Variants in POLR3C observed in about 807,000 individuals in gnomAD.
POLR3C encodes RNA polymerase III subunit C.
Under a neutral mutation model 65.9 loss-of-function variants are expected in POLR3C, and 44 were observed. The ratio of observed to expected loss-of-function variants is 0.67; its 90% CI spans 0.52 to 0.86. The LOEUF is 0.86. Ranked by LOEUF, POLR3C falls within the 40% of genes least tolerant of loss-of-function variation. The pLI, the probability that POLR3C is intolerant of heterozygous loss-of-function variation, is 0.00. For synonymous variants in POLR3C, 263 were observed against 231.6 expected (o/e 1.14, Z -1.23); for missense variants, 576 against 653.2 (o/e 0.88, Z 1.29).
At chr1:145,828,614 C>T in intron 4 of POLR3C, 135 bp from the exon 5 acceptor site, 2 of 642,390 alleles carry the variant, frequency 3.1e-6, no homozygotes, top group Non-Finnish European at 5.6e-6. Context: ...TCTTATAGCT[C>T]TTCAGCCCCC....
intron 9 of POLR3C, among the ~76,000 whole-genome samples, 160 bp from the exon 10 acceptor site, chr1:145,837,376 T>C (rs1205385747): frequency 2.6e-5 from 4 of 152,204 alleles, no homozygotes; most frequent in Admixed American, 2.6e-4. Flanking sequence ...TGTATTAAAG[T>C]TTTGGAATAT....
At chr1:145,833,941 A>G (rs1553727872) in intron 7 of POLR3C, among the ~76,000 whole-genome samples, 1 of 152,214 alleles carries the variant, frequency 6.6e-6, no homozygotes, top group African/African-American at 2.4e-5. Flanking sequence ...TATTTATATT[A>G]CTTTCATAGT....
In POLR3C at chr1:145,826,520, G is replaced by A; in HGVS notation, c.214G>A (p.Val72Met). 6.2e-7 allele frequency: 1 copy of A among 1,613,820 alleles called. No homozygotes were observed. Among genetic ancestry groups the A allele is most frequent in the Non-Finnish European group, 8.5e-7 (1 of 1,179,924 alleles). ...GAGTTATCAAGTGCACAAACGTGGT[G>A]TGGTGGAGTATGAAGCCCAGTGCAG... ...LVSYQVHKRG[V>M]VEYEAQCSRV... Residue 72 changes from valine (V) to methionine (M), a missense_variant, in exon 3 of 15, where the codon GTG becomes ATG. By Grantham distance (21) the Val-to-Met change is conservative (BLOSUM62 1). Coordinates refer to ENST00000334163, the MANE Select transcript of POLR3C (RefSeq NM_006468.8).
intron 4 of POLR3C, 117 bp downstream of exon 4, chr1:145,827,122 G>C: frequency 2.4e-6 from 2 of 842,830 alleles, no homozygotes; most frequent in South Asian, 3.3e-5. Context: ...CAGACATCGT[G>C]GTGTATAACA....
intron 11 of POLR3C, among the ~76,000 whole-genome samples, chr1:145,838,510 C>T (rs1234640789): frequency 6.6e-6 from 1 of 151,688 alleles, no homozygotes; most frequent in East Asian, 2.0e-4. Context: ...GGTGAAACTC[C>T]GTCTCTAATA....
chr1:145,838,053 C>T lies in POLR3C; in HGVS notation c.1071-3C>T. On this transcript the variant is annotated splice_polypyrimidine_tract_variant and splice_region_variant and intron_variant, in intron 10 of 14. Coordinates refer to ENST00000334163, the MANE Select transcript of POLR3C (RefSeq NM_006468.8). ...GCCATTTGCTTTCTTCATTCCTTTC[C>T]AGATTTGGGTCTCGCTGTGCTAGAA... 1 of 1,613,646 alleles carries T rather than the reference C, an allele frequency of 6.2e-7. No homozygotes were observed. Among genetic ancestry groups the T allele is most frequent in the South Asian group, 1.1e-5 (1 of 91,056 alleles).
At chr1:145,838,320 C>A in intron 11 of POLR3C, 114 bp downstream of exon 11, 1 of 810,174 alleles carries the variant, frequency 1.2e-6, no homozygotes, top group Non-Finnish European at 2.0e-6. Context: ...AGCTCTGAGA[C>A]AGAAAAACAT....
In POLR3C at chr1:145,840,297, C is replaced by G. The variant is rs778222336; in HGVS notation, c.1373+132C>G. The stretch of plus-strand genomic sequence containing the variant: ...GCTCATGCCTGTAATCCCAGCACTT[C>G]GGGAGGCTGAGGCAGGTGGATCACT... On this transcript the variant is annotated intron_variant, in intron 13 of 14. Transcript: ENST00000334163. 9.1e-6 allele frequency: 6 copies of G among 662,380 alleles called. 1 individual carries two copies. In the East Asian group the frequency reaches 1.7e-4, roughly 18 times the overall value. The allele number at this position is 662,380 out of a possible 1,614,324, so 41.0% of individuals were successfully genotyped here.
At position 145,830,450 on chromosome 1, in the gene POLR3C, G is replaced by A. The variant is rs890921450; in HGVS notation, c.678+1613G>A. Among the ~76,000 whole-genome samples the A allele has an allele frequency of 5.3e-5, 8 of 152,106 alleles. No homozygotes were observed. The East Asian group carries it at 1.3e-3, about 26-fold the overall frequency. On this transcript the variant is annotated intron_variant, in intron 5 of 14. Coordinates refer to ENST00000334163, the MANE Select transcript of POLR3C (RefSeq NM_006468.8). Reference sequence around the variant, plus strand: ...AATAGATAGAACTTGGTAATGGGGTGGTAGATTATGGAGAGCAAGGGACTA... The same window carrying A: ...AATAGATAGAACTTGGTAATGGGGTAGTAGATTATGGAGAGCAAGGGACTA...
At chr1:145,835,536 G>A (rs1322418520) in intron 7 of POLR3C, among the ~76,000 whole-genome samples, 1 of 151,882 alleles carries the variant, frequency 6.6e-6, no homozygotes, top group Admixed American at 6.6e-5. Context: ...ACCCCAAAAT[G>A]GGACTATTCA....
At position 145,836,841 on chromosome 1, in the gene POLR3C, C is replaced by T. The variant is rs1188854334; in HGVS notation, c.984C>T (p.Asp328=). 6.3e-7 allele frequency: 1 copy of T among 1,595,422 alleles called. No homozygotes were observed. Among genetic ancestry groups the T allele is most frequent in the African/African-American group, 1.3e-5 (1 of 74,434 alleles). ...TAGAGTTTGTTGGAAAGTCTGGCGACAGTGGTGGAGGAATGTATGTCATCA... is the reference window on the plus strand; with the variant it reads ...TAGAGTTTGTTGGAAAGTCTGGCGATAGTGGTGGAGGAATGTATGTCATCA... ...DPLEFVGKSG[D]SGGGMYVINL... Residue 328 remains aspartate (D), a synonymous_variant, in exon 9 of 15, where the codon GAC becomes GAT. Coordinates refer to ENST00000334163, the MANE Select transcript of POLR3C (RefSeq NM_006468.8).
At chr1:145,825,477 C>T (rs1212093456) in intron 1 of POLR3C, among the ~76,000 whole-genome samples, 1 of 152,100 alleles carries the variant, frequency 6.6e-6, no homozygotes, top group Non-Finnish European at 1.5e-5. Flanking sequence ...TGTAGTATGC[C>T]ATTGTATGGG....
Position 145,842,643 on chromosome 1 carries a change from A to G in POLR3C, c.*223A>G, listed in dbSNP as rs1553730897. On this transcript the variant is annotated 3_prime_UTR_variant, in exon 15 of 15. Coordinates refer to ENST00000334163, the MANE Select transcript of POLR3C (RefSeq NM_006468.8). ...TTGGCAGTGGGAAGAACCTTAAATC[A>G]ACAAGGTTAATCATCTATCAGATGC... 1 of 587,228 alleles carries G rather than the reference A, an allele frequency of 1.7e-6. No individual in the cohort carries two copies. The highest frequency in any genetic ancestry group is 1.9e-5 in the African/African-American group (1 of 53,112). 36.4% of individuals were successfully genotyped at this position (587,228 alleles called of 1,614,324 possible).
In POLR3C at chr1:145,843,506, G is replaced by T. The variant is rs1553731260; in HGVS notation, c.*1086G>T. Among the ~76,000 whole-genome samples, 1 of 152,196 alleles carries T rather than the reference G, an allele frequency of 6.6e-6. No individual in the cohort carries two copies. Among genetic ancestry groups the T allele is most frequent in the Admixed American group, 6.5e-5 (1 of 15,270 alleles). On this transcript the variant is annotated 3_prime_UTR_variant, in exon 15 of 15. Coordinates refer to ENST00000334163, the MANE Select transcript of POLR3C (RefSeq NM_006468.8). ...GATAGATAAATAAGACACCATCTCT[G>T]CCCTCAAGCCAGTCACCATCATTTA... is the stretch of plus-strand genomic sequence containing the variant.
At chr1:145,833,989 C>T (rs1459193101) in intron 7 of POLR3C, among the ~76,000 whole-genome samples, 3 of 152,124 alleles carry the variant, frequency 2.0e-5, no homozygotes, top group African/African-American at 7.2e-5. Context: ...GGGATACATT[C>T]TGAGAAATGT....
intron 4 of POLR3C, among the ~76,000 whole-genome samples, chr1:145,827,433 A>T (rs1182034413): frequency 6.6e-6 from 1 of 152,156 alleles, no homozygotes; most frequent in Non-Finnish European, 1.5e-5. Flanking sequence ...CCTGGGCAAC[A>T]TGTTGAAACC....
At chr1:145,824,704 AAGG>A (rs1478405028) in intron 1 of POLR3C, among the ~76,000 whole-genome samples, 5 of 152,328 alleles carry the variant, frequency 3.3e-5, no homozygotes, top group Non-Finnish European at 5.9e-5. Flanking sequence ...CAACTTTGTC[AAGG>A]AGTAGAAGTT....
chr1:145,831,918 G>A (rs1468686830), intron 5 of POLR3C, among the ~76,000 whole-genome samples: 1 of 152,056 alleles, frequency 6.6e-6, no homozygotes, highest in African/African-American at 2.4e-5. Flanking sequence ...GCACGCACCT[G>A]TGGTCCCAGC....
Position 145,833,496 on chromosome 1 carries a change from A to G in POLR3C, c.790A>G (p.Ser264Gly), listed in dbSNP as rs782287184. Reference protein sequence around the residue: ...AVANRMDQTSSEIVRTMLRMS... With the variant: ...AVANRMDQTSGEIVRTMLRMS... The stretch of plus-strand genomic sequence containing the variant: ...TAGTTTACTTTTCAAACAGACAAGC[A>G]GCGAGATTGTGCGAACCATGCTCCG... The change falls in exon 7 of 15, where the codon AGC becomes GGC. Residue 264 changes from serine to glycine, a missense_variant. Coordinates refer to ENST00000334163, the MANE Select transcript of POLR3C (RefSeq NM_006468.8). 8.7e-6 allele frequency: 14 copies of G among 1,612,954 alleles called. No homozygotes were observed. Among genetic ancestry groups the G allele is most frequent in the Admixed American group, 3.3e-5 (2 of 60,020 alleles).
Sources: gnomAD v4.1 joint callset for allele counts (sites outside exome capture counted in the v4.1 genomes callset) on GRCh38, gnomAD v4.1.1 for gene constraint, MANE v1.5 for transcripts, NCBI Gene and HGNC (gene_info 2026-07-23, HGNC 2026-07-21) for gene names.